The following NUP35 variants were observed in gnomAD, a reference collection of about 807,000 sequenced individuals.
NUP35 encodes nucleoporin NUP35.
In NUP35, 25 loss-of-function variants were observed where a neutral mutation model predicts 41.5. The observed-to-expected ratio is 0.60, with a 90% CI of 0.44 to 0.84. The LOEUF is 0.84. Among genes scored for constraint, NUP35 ranks in the 40% least tolerant of loss-of-function variants. NUP35 has a pLI of 0.00. For synonymous variants in NUP35, 149 were observed against 130.7 expected, an observed-to-expected ratio of 1.14 and a Z score of -0.96; for missense variants, 396 against 396.6, an observed-to-expected ratio of 1.00 and a Z score of 0.01.
intron 4 of NUP35, among the ~76,000 whole-genome samples, chr2:183,138,690 C>T (rs1442776691): frequency 6.6e-6 from 1 of 151,900 alleles, no homozygotes; most frequent in African/African-American, 2.4e-5. Flanking sequence ...TGCTTTTCTT[C>T]TTCCTTTATA....
upstream of NUP35, among the ~76,000 whole-genome samples, chr2:183,122,599 T>C (rs1700085181): frequency 1.3e-5 from 2 of 152,220 alleles, no homozygotes; most frequent in South Asian, 4.1e-4. Flanking sequence ...TGTTGTATAG[T>C]GTTCTTTTGT....
intron 6 of NUP35, 86 bp downstream of exon 6, chr2:183,157,599 G>T (rs1685715113): frequency 8.3e-6 from 8 of 959,044 alleles, no homozygotes; most frequent in African/African-American, 3.3e-5. Flanking sequence ...AATTTTGTGG[G>T]TTTTTTTTAA....
At chr2:183,118,874 T>C (rs940064775) in intron 1 of NUP35, 1 of 152,246 alleles carries the variant, frequency 6.6e-6, no homozygotes, top group South Asian at 2.1e-4. Context: ...GGCATACTTC[T>C]GGCATCTTGC....
At chr2:183,132,621 A>C (rs1684738942) in intron 3 of NUP35, among the ~76,000 whole-genome samples, 1 of 152,212 alleles carries the variant, frequency 6.6e-6, no homozygotes, top group African/African-American at 2.4e-5. Context: ...CTGGCTTCTA[A>C]ATTTGTGCAA....
chr2:183,130,992 T>A, intron 3 of NUP35: 2 of 1,122,652 alleles, frequency 1.8e-6, no homozygotes, highest in Non-Finnish European at 1.2e-6. Flanking sequence ...CTTCTTTTTT[T>A]AGGGTCCCCA....
At chr2:183,139,826 T>C (rs1236609984) in intron 4 of NUP35, among the ~76,000 whole-genome samples, 1 of 152,214 alleles carries the variant, frequency 6.6e-6, no homozygotes, top group Non-Finnish European at 1.5e-5. Flanking sequence ...CAACATAATT[T>C]TGGACTTTGG....
At position 183,128,507 on chromosome 2, in the gene NUP35, G is replaced by T. The variant is rs770460202; in HGVS notation, c.211+50G>T. 4.2e-6 allele frequency: 6 copies of T among 1,437,724 alleles called. No homozygotes were observed. In the South Asian group the frequency reaches 9.5e-5, roughly 23 times the overall value. 89.1% of individuals were successfully genotyped at this position (1,437,724 alleles called of 1,614,324 possible). ...TTATAGACATGCTAGATACAGGGAT[G>T]TCCAATTTTTTGGCTTCCCTGAACC... is the stretch of plus-strand genomic sequence containing the variant. On this transcript the variant is annotated intron_variant, in intron 2 of 8. Transcript: ENST00000295119.
chr2:183,130,683 C>T, intron 3 of NUP35, 138 bp downstream of exon 3: 1 of 948,988 alleles, frequency 1.1e-6, no homozygotes, highest in Non-Finnish European at 1.6e-6. Flanking sequence ...ACATTAAACA[C>T]ATCATAGAAT....
intron 1 of NUP35, 139 bp downstream of exon 1, chr2:183,124,636 T>G: frequency 9.0e-7 from 1 of 1,112,512 alleles, no homozygotes; most frequent in Non-Finnish European, 1.3e-6. Flanking sequence ...TGCCCCCAAG[T>G]TCATAGTCGG....
chr2:183,120,405 C>T (rs891305833), upstream of NUP35, among the ~76,000 whole-genome samples: 10 of 147,536 alleles, frequency 6.8e-5, no homozygotes, highest in Admixed American at 3.4e-4. Context: ...GAGATCGCTC[C>T]ACTGTACTCC....
intron 4 of NUP35, among the ~76,000 whole-genome samples, chr2:183,149,007 A>G (rs1161008326): frequency 6.6e-6 from 1 of 152,194 alleles, no homozygotes; most frequent in Non-Finnish European, 1.5e-5. Context: ...TCTTAAGAAC[A>G]TACTTGGAGA....
intron 3 of NUP35, among the ~76,000 whole-genome samples, chr2:183,132,263 C>T (rs1322986973): frequency 6.6e-6 from 1 of 152,060 alleles, no homozygotes. Context: ...CTCAAGTAAT[C>T]CACCTTCCTT....
At chr2:183,133,378 G>A (rs1228275256) in intron 3 of NUP35, among the ~76,000 whole-genome samples, 188 bp from the exon 4 acceptor site, 1 of 149,956 alleles carries the variant, frequency 6.7e-6, no homozygotes, top group Non-Finnish European at 1.5e-5. Flanking sequence ...AAATACTAAG[G>A]GATCTAGTAA....
At chr2:183,124,862 A>G (rs1684385328) in intron 1 of NUP35, among the ~76,000 whole-genome samples, 2 of 152,136 alleles carry the variant, frequency 1.3e-5, no homozygotes. Context: ...TGGTCCCCAG[A>G]AGCATCCCTG....
chr2:183,134,300 C>T (rs1467981865), intron 4 of NUP35, among the ~76,000 whole-genome samples: 6 of 151,998 alleles, frequency 3.9e-5, no homozygotes, highest in Non-Finnish European at 8.8e-5. Context: ...ATGGAACTTA[C>T]ATTTATTTGC....
upstream of NUP35, among the ~76,000 whole-genome samples, chr2:183,122,703 C>T (rs1203301833): frequency 6.6e-6 from 1 of 151,730 alleles, no homozygotes; most frequent in East Asian, 1.9e-4. Context: ...AGTGATCAAC[C>T]CCTCAGCCTC....
intron 4 of NUP35, among the ~76,000 whole-genome samples, chr2:183,136,135 A>G (rs1472121956): frequency 6.6e-6 from 1 of 152,206 alleles, no homozygotes; most frequent in Admixed American, 6.5e-5. Context: ...CACGATGCTC[A>G]GAATTCTTCC....
Position 183,130,417 on chromosome 2 carries a change from G to C in NUP35, c.212-1G>C. The C allele has an allele frequency of 6.5e-7, 1 of 1,527,950 alleles. No individual in the cohort carries two copies. The highest frequency in any genetic ancestry group is 1.2e-5 in the South Asian group (1 of 85,578). The allele number at this position is 1,527,950 out of a possible 1,614,324, so 94.6% of individuals were successfully genotyped here. The stretch of plus-strand genomic sequence containing the variant: ...TTTTTTTTTTTTTTTGTACACTGTA[G>C]GTGGGTCACCACCACAACCAGTTGT... On this transcript the variant is annotated splice_acceptor_variant, in intron 2 of 8. Coordinates refer to ENST00000295119, the MANE Select transcript of NUP35 (RefSeq NM_138285.5). LOFTEE classifies it high-confidence loss of function.
At chr2:183,122,788 C>A (rs1700088317), upstream of NUP35, among the ~76,000 whole-genome samples, 1 of 152,158 alleles carries the variant, frequency 6.6e-6, no homozygotes, top group Non-Finnish European at 1.5e-5. Context: ...CATTGATATA[C>A]CTTTCTTGGT....
Sources: gnomAD v4.1 joint callset for allele counts (sites outside exome capture counted in the v4.1 genomes callset) on GRCh38, gnomAD v4.1.1 for gene constraint, MANE v1.5 for transcripts, NCBI Gene and HGNC (gene_info 2026-07-23, HGNC 2026-07-21) for gene names.